Variants in DCAF5 observed in about 807,000 individuals in gnomAD.
DCAF5 encodes the protein DDB1- and CUL4-associated factor 5.
Under a neutral mutation model 80.7 loss-of-function variants are expected in DCAF5, and 9 were observed. That is an observed-to-expected ratio of 0.11 (90% CI 0.07 to 0.19). The LOEUF (loss-of-function observed/expected upper bound fraction) is 0.19. DCAF5 is among the 10% of genes least tolerant of loss of function. The pLI is 1.00. For missense variants in DCAF5, 842 were observed against 1,205.7 expected, an observed-to-expected ratio of 0.70 and a Z score of 4.47; for synonymous variants, 433 against 461.9, an observed-to-expected ratio of 0.94 and a Z score of 0.80.
intron 4 of DCAF5, 115 bp from the exon 5 acceptor site, chr14:69,116,610 C>T: frequency 2.3e-6 from 3 of 1,277,620 alleles, no homozygotes; most frequent in Non-Finnish European, 2.2e-6. Context: ...ACTCCAACGG[C>T]CTGGAGCCCC....
At chr14:69,068,238 CATG>C (rs1332206638) in intron 7 of DCAF5, among the ~76,000 whole-genome samples, 6 of 152,212 alleles carry the variant, frequency 3.9e-5, no homozygotes, top group African/African-American at 1.2e-4. Context: ...TAGAGCTTTA[CATG>C]ATGTCTTATC....
rs35270301 is a variant in DCAF5, at chr14:69,105,944, T to TATA, written c.665+10421_665+10422insTAT. Among the ~76,000 whole-genome samples, 198 of 85,222 alleles carry TATA rather than the reference T, an allele frequency of 2.3e-3. 26 individuals carry two copies. Among genetic ancestry groups the TATA allele is most frequent in the Middle Eastern group, 8.1e-3 (1 of 124 alleles). 55.9% of individuals were successfully genotyped at this position (85,222 alleles called of 152,430 possible). Reference sequence around the variant, plus strand: ...ATATATATATATATATATATATATATATCTCCTATTGGTTCTGTTCCTCTG... The same window carrying TATA: ...ATATATATATATATATATATATATATATAATCTCCTATTGGTTCTGTTCCTCTG... On this transcript the variant is annotated intron_variant, in intron 5 of 8. Coordinates refer to ENST00000341516, the MANE Select transcript of DCAF5 (RefSeq NM_003861.3).
In DCAF5 at chr14:69,127,647, G is replaced by A. The variant is rs555517035; in HGVS notation, c.215-5287C>T. Among the ~76,000 whole-genome samples the A allele has an allele frequency of 2.0e-5, 3 of 152,332 alleles. No individual in the cohort carries two copies. The East Asian group carries it at 5.8e-4, about 29-fold the overall frequency. The stretch of plus-strand genomic sequence containing the variant: ...TTCATTTTTTGAACATTGGGACTCT[G>A]AGTGTTTATGATGTGTCAGTATATG... On this transcript the variant is annotated intron_variant, in intron 1 of 8. Coordinates refer to ENST00000341516, the MANE Select transcript of DCAF5 (RefSeq NM_003861.3).
chr14:69,146,879 C>T (rs1006506744), intron 1 of DCAF5, among the ~76,000 whole-genome samples: 23 of 152,172 alleles, frequency 1.5e-4, no homozygotes, highest in Admixed American at 9.8e-4. Flanking sequence ...AATGTCTATA[C>T]TATGAAAGCT....
Position 69,052,432 on chromosome 14 carries a change from T to C in DCAF5, c.*1425A>G, listed in dbSNP as rs1227024196. The C allele has an allele frequency of 1.1e-4, 17 of 152,710 alleles. No individual in the cohort carries two copies. Among genetic ancestry groups the C allele is most frequent in the Non-Finnish European group, 8.8e-5 (6 of 68,070 alleles). The allele number at this position is 152,710 out of a possible 1,614,324, so 9.5% of individuals were successfully genotyped here. A position where few individuals can be genotyped will look rare whatever the true frequency, so the allele number is the denominator to read the frequency against. On this transcript the variant is annotated 3_prime_UTR_variant, in exon 9 of 9. Transcript: ENST00000341516. Reference sequence around the variant, plus strand: ...AGCACCTTTGCACTCAAGAAAGTTATATTGTTTTTCTCTCTCTTCCTCATT... The same window carrying C: ...AGCACCTTTGCACTCAAGAAAGTTACATTGTTTTTCTCTCTCTTCCTCATT...
At position 69,126,577 on chromosome 14, in the gene DCAF5, T is replaced by C. The variant is rs141049186; in HGVS notation, c.215-4217A>G. On this transcript the variant is annotated intron_variant, in intron 1 of 8. Transcript: ENST00000341516. Reference sequence around the variant, plus strand: ...ATCAGCAAAATGATTCTAATATTTATAGGAGAGGCAAAAGGCCCATAATAG... The same window carrying C: ...ATCAGCAAAATGATTCTAATATTTACAGGAGAGGCAAAAGGCCCATAATAG... Among the ~76,000 whole-genome samples, 9 of 152,316 alleles carry C rather than the reference T, an allele frequency of 5.9e-5. No homozygotes were observed. In the East Asian group the frequency reaches 1.7e-3, roughly 29 times the overall value.
rs771969463 is a variant in DCAF5, at chr14:69,052,209, C to G, written c.*1648G>C. ...GGTATCTCCTTTTGGCTTAAACCAA[C>G]CACCTTGTGTTTATAAATAACCCCC... On this transcript the variant is annotated 3_prime_UTR_variant, in exon 9 of 9. Transcript: ENST00000341516. 4 of 152,410 alleles carry G rather than the reference C, an allele frequency of 2.6e-5. No individual in the cohort carries two copies. Among genetic ancestry groups the G allele is most frequent in the Non-Finnish European group, 5.9e-5 (4 of 68,054 alleles). The allele number at this position is 152,410 out of a possible 1,614,324, so 9.4% of individuals were successfully genotyped here.
rs780297054 is a variant in DCAF5, at chr14:69,054,396, C to T, written c.2290G>A (p.Asp764Asn). The change falls in exon 9 of 9, where the codon GAC becomes AAC. Residue 764 changes from aspartate to asparagine, a missense_variant. Transcript: ENST00000341516. Reference protein sequence around the residue: ...WAEVPEGTSQDTGNSGSVEHP... With the variant: ...WAEVPEGTSQNTGNSGSVEHP... ...TCTACAGAGCCGCTATTGCCAGTGT[C>T]CTGAGAGGTACCCTCTGGCACCTCT... 15 of 1,614,100 alleles carry T rather than the reference C, an allele frequency of 9.3e-6. No individual in the cohort carries two copies. The highest frequency in any genetic ancestry group is 1.6e-4 in the Middle Eastern group (1 of 6,062).
At chr14:69,147,258 T>C (rs1432992847) in intron 1 of DCAF5, among the ~76,000 whole-genome samples, 7 of 152,226 alleles carry the variant, frequency 4.6e-5, no homozygotes, top group Non-Finnish European at 1.0e-4. Flanking sequence ...TGGAGATCTT[T>C]CTCAATATTT....
chr14:69,061,928 A>G (rs2038230476), intron 8 of DCAF5, among the ~76,000 whole-genome samples: 1 of 152,196 alleles, frequency 6.6e-6, no homozygotes, highest in Admixed American at 6.5e-5. Flanking sequence ...GCTCAGGCAG[A>G]AGGATCGCTT....
rs1335684826 is a variant in DCAF5, at chr14:69,079,240, G to A, written c.880-3829C>T. On this transcript the variant is annotated intron_variant, in intron 6 of 8. Coordinates refer to ENST00000341516, the MANE Select transcript of DCAF5 (RefSeq NM_003861.3). The stretch of plus-strand genomic sequence containing the variant: ...GCAAAGCCATGAGAAGGGAAAACAG[G>A]ATTCTCAGACAGAATGCTGACTCAG... Among the ~76,000 whole-genome samples, 4 of 152,338 alleles carry A rather than the reference G, an allele frequency of 2.6e-5. No individual in the cohort carries two copies. The East Asian group carries it at 7.7e-4, about 29-fold the overall frequency.
intron 1 of DCAF5, among the ~76,000 whole-genome samples, chr14:69,128,503 G>A (rs148024025): frequency 5.3e-5 from 8 of 152,170 alleles, no homozygotes; most frequent in African/African-American, 1.7e-4. Context: ...AAAGAGTTTT[G>A]GATTATGTTT....
At chr14:69,090,285 A>G (rs1232482038) in intron 6 of DCAF5, 1 of 212,776 alleles carries the variant, frequency 4.7e-6, no homozygotes, top group Non-Finnish European at 8.1e-6. Flanking sequence ...CGCCTATAGA[A>G]ACTGTTTCTT....
At chr14:69,108,164 C>T (rs1460247812) in intron 5 of DCAF5, among the ~76,000 whole-genome samples, 2 of 152,198 alleles carry the variant, frequency 1.3e-5, no homozygotes, top group Admixed American at 6.5e-5. Context: ...TGGAGAGATC[C>T]TTTCCTCTAG....
intron 5 of DCAF5, among the ~76,000 whole-genome samples, chr14:69,103,349 C>A (rs181546898): frequency 2.0e-5 from 3 of 152,276 alleles, no homozygotes; most frequent in Admixed American, 1.3e-4. Context: ...AGGACCAGGA[C>A]TAGAAGAGGT....
intron 7 of DCAF5, among the ~76,000 whole-genome samples, chr14:69,067,109 A>G (rs1181671421): frequency 6.6e-6 from 1 of 152,222 alleles, no homozygotes; most frequent in Admixed American, 6.5e-5. Context: ...TTCCCCTGCT[A>G]GAACATAAGC....
intron 7 of DCAF5, among the ~76,000 whole-genome samples, chr14:69,063,934 T>G (rs1275918676): frequency 6.6e-6 from 1 of 152,230 alleles, no homozygotes; most frequent in African/African-American, 2.4e-5. Flanking sequence ...ATGGAAAATA[T>G]ATTTATCGTA....
intron 3 of DCAF5, 77 bp downstream of exon 3, chr14:69,119,117 T>G (rs1264893175): frequency 6.3e-6 from 9 of 1,438,236 alleles, no homozygotes; most frequent in African/African-American, 4.3e-5. Flanking sequence ...AAAAACTATT[T>G]TAGTCTAAAG....
chr14:69,141,343 CT>C lies in DCAF5; in HGVS notation c.214+11421del, dbSNP rs10592463. Reference sequence around the variant, plus strand: ...TATAACTTATCCTTTAAACTGGGACCTTTTTTTTTCTTTTTCTTTTATTATT... The same window carrying C: ...TATAACTTATCCTTTAAACTGGGACCTTTTTTTTCTTTTTCTTTTATTATT... On this transcript the variant is annotated intron_variant, in intron 1 of 8. Coordinates refer to ENST00000341516, the MANE Select transcript of DCAF5 (RefSeq NM_003861.3). Among the ~76,000 whole-genome samples the C allele has an allele frequency of 2.3e-3, 339 of 149,420 alleles. 2 individuals are homozygous for C. The highest frequency in any genetic ancestry group is 7.7e-3 in the African/African-American group (314 of 40,952).
Sources: gnomAD v4.1 joint callset for allele counts (sites outside exome capture counted in the v4.1 genomes callset) on GRCh38, gnomAD v4.1.1 for gene constraint, MANE v1.5 for transcripts, NCBI Gene and HGNC (gene_info 2026-07-23, HGNC 2026-07-21) for gene names.